The following DACH2 variants were observed in gnomAD, a reference collection of about 807,000 sequenced individuals.
DACH2 encodes dachshund homolog 2.
DACH2 carries 17 observed loss-of-function variants against 35.8 expected under a neutral mutation model. The ratio of observed to expected loss-of-function variants is 0.48; its 90% CI spans 0.33 to 0.71. The LOEUF is 0.71. DACH2 is among the 30% of genes least tolerant of loss of function. The pLI, the probability that DACH2 is intolerant of heterozygous loss-of-function variation, is 0.02. For synonymous variants in DACH2, 195 were observed against 177.3 expected (o/e 1.10, Z -0.79); for missense variants, 469 against 472.7 (o/e 0.99, Z 0.07).
chrX:86,291,480 A>G (rs1480053070), intron 1 of DACH2, among the ~76,000 whole-genome samples: 1 of 104,236 alleles, frequency 9.6e-6, no homozygotes, highest in Non-Finnish European at 1.9e-5. Context: ...GAGTGGTGAG[A>G]GAGGGCATCC....
At chrX:86,492,658 G>A (rs1254332381) in intron 2 of DACH2, among the ~76,000 whole-genome samples, 1 of 111,468 alleles carries the variant, frequency 9.0e-6, no homozygotes, top group Non-Finnish European at 1.9e-5. Flanking sequence ...TCACGTCTGT[G>A]AGTACCTGAT....
intron 1 of DACH2, among the ~76,000 whole-genome samples, chrX:86,359,309 C>A (rs1406566533): frequency 9.0e-6 from 1 of 111,077 alleles, no homozygotes; most frequent in Non-Finnish European, 1.9e-5. Flanking sequence ...TGAAATGTCA[C>A]CTGTGAACTG....
intron 2 of DACH2, among the ~76,000 whole-genome samples, chrX:86,494,074 A>C (rs746919928): frequency 2.8e-4 from 31 of 111,735 alleles, no homozygotes; most frequent in African/African-American, 9.1e-4. Context: ...AAATGGAGAG[A>C]GTACTGGCCC....
intron 1 of DACH2, among the ~76,000 whole-genome samples, chrX:86,277,543 C>A (rs2033941119): frequency 8.9e-6 from 1 of 112,235 alleles, no homozygotes; most frequent in African/African-American, 3.2e-5. Flanking sequence ...AGACAAAAAA[C>A]AAATTCAAGC....
chrX:86,660,412 G>C (rs906112128), intron 4 of DACH2, among the ~76,000 whole-genome samples: 1 of 111,596 alleles, frequency 9.0e-6, no homozygotes, highest in African/African-American at 3.3e-5. Flanking sequence ...CAAGACACAC[G>C]TGTTATCCTT....
chrX:86,509,175 A>T (rs939648141), intron 2 of DACH2, among the ~76,000 whole-genome samples: 21 of 111,145 alleles, frequency 1.9e-4, no homozygotes, highest in African/African-American at 6.9e-4. Flanking sequence ...TAAGTTTGGG[A>T]TATGCGTATA....
Position 86,710,472 on chromosome X carries a change from G to A in DACH2, c.932-4076G>A, listed in dbSNP as rs143616539. On this transcript the variant is annotated intron_variant, in intron 5 of 11. Coordinates refer to ENST00000373125, the MANE Select transcript of DACH2 (RefSeq NM_053281.3). Reference sequence around the variant, plus strand: ...GATTATTACAAGATAGTAATATGAGGGCCAACTGTGTGATGGCAGAGTGGA... The same window carrying A: ...GATTATTACAAGATAGTAATATGAGAGCCAACTGTGTGATGGCAGAGTGGA... Among the ~76,000 whole-genome samples the A allele has an allele frequency of 9.4e-3, 1,049 of 112,048 alleles. 9 individuals carry two copies. The highest frequency in any genetic ancestry group is 0.014 in the Non-Finnish European group (729 of 53,184).
At chrX:86,404,810 G>T (rs894617445) in intron 2 of DACH2, among the ~76,000 whole-genome samples, 4 of 112,312 alleles carry the variant, frequency 3.6e-5, no homozygotes, top group Non-Finnish European at 5.6e-5. Context: ...CTCCATGAGG[G>T]TTCCATCCCT....
chrX:86,676,425 C>T (rs369076356), intron 4 of DACH2, among the ~76,000 whole-genome samples: 1 of 111,024 alleles, frequency 9.0e-6, no homozygotes, highest in Non-Finnish European at 1.9e-5. Context: ...TTCTTACATC[C>T]CTAGTCTGCC....
At chrX:86,818,269 A>C (rs2147357661) in intron 11 of DACH2, among the ~76,000 whole-genome samples, 1 of 111,576 alleles carries the variant, frequency 9.0e-6, no homozygotes, top group Admixed American at 9.6e-5. Flanking sequence ...TGACAGTAGA[A>C]TCACAATTTA....
rs114726847 is a variant in DACH2 at position 86,478,225 on chromosome X, T to C, written c.528-36054T>C. ...TTTTGTACCTTCAGATGGTTTCTTG[T>C]TGCTCATTAATGTGCTTTTCTTTCT... On this transcript the variant is annotated intron_variant, in intron 2 of 11. Coordinates refer to ENST00000373125, the MANE Select transcript of DACH2 (RefSeq NM_053281.3). Among the ~76,000 whole-genome samples, 1,063 of 112,087 alleles carry C rather than the reference T, an allele frequency of 9.5e-3. 13 individuals carry two copies. The highest frequency in any genetic ancestry group is 0.033 in the African/African-American group (1,016 of 30,852).
intron 1 of DACH2, among the ~76,000 whole-genome samples, chrX:86,370,472 C>T (rs900994579): frequency 9.0e-6 from 1 of 111,444 alleles, no homozygotes; most frequent in African/African-American, 3.3e-5. Flanking sequence ...ACATGATCAT[C>T]GACTGGAAGA....
At chrX:86,826,756 A>G (rs1036451877) in intron 11 of DACH2, among the ~76,000 whole-genome samples, 1 of 112,258 alleles carries the variant, frequency 8.9e-6, no homozygotes, top group Non-Finnish European at 1.9e-5. Flanking sequence ...TTAGGATTGA[A>G]TCTAAGACTG....
At chrX:86,341,943 C>T (rs7058801) in intron 1 of DACH2, among the ~76,000 whole-genome samples, 2,193 of 111,553 alleles carry the variant, frequency 0.02, 47 homozygotes, top group African/African-American at 0.068. Context: ...TTGCTTCTTA[C>T]GGATGAGCAA....
intron 3 of DACH2, among the ~76,000 whole-genome samples, chrX:86,617,126 A>AT (rs1469130033): frequency 2.7e-5 from 3 of 110,962 alleles, no homozygotes; most frequent in South Asian, 3.8e-4. Flanking sequence ...TTGTGTGTCT[A>AT]TTTTTTGTAC....
chrX:86,397,064 C>A (rs7877895), intron 2 of DACH2, among the ~76,000 whole-genome samples: 9,307 of 109,249 alleles, frequency 0.085, 1,061 homozygotes, highest in African/African-American at 0.3. Flanking sequence ...CTTTTATTTC[C>A]TTGAGCAGTG....
chrX:86,395,428 G>A (rs1160379497), intron 2 of DACH2, among the ~76,000 whole-genome samples: 1 of 110,196 alleles, frequency 9.1e-6, no homozygotes, highest in African/African-American at 3.3e-5. Flanking sequence ...GGGTACATGT[G>A]CACAACGTGC....
chrX:86,814,694 T>C lies in DACH2; in HGVS notation c.1544T>C (p.Met515Thr), dbSNP rs1343810733. The part of the protein sequence containing the change: ...LAVELQSRTT[M>T]QKRLKKEKKT... ...ACTACCTTTTACATTTCAGCTACTA[T>C]GCAAAAGCGCCTGAAGAAGGAGAAA... Residue 515 changes from methionine to threonine, a missense_variant, in exon 10 of 12, where the codon ATG (methionine) becomes ACG (threonine). Transcript: ENST00000373125. 5 of 1,211,065 alleles carry C rather than the reference T, an allele frequency of 4.1e-6. No homozygotes were observed. The highest frequency in any genetic ancestry group is 3.0e-5 in the East Asian group (1 of 33,818).
intron 3 of DACH2, among the ~76,000 whole-genome samples, chrX:86,630,813 C>A (rs1444461125): frequency 1.8e-5 from 2 of 110,507 alleles, no homozygotes; most frequent in Non-Finnish European, 3.8e-5. Flanking sequence ...GCCTCAGCCT[C>A]CAGAGTAGCT....
Sources: gnomAD v4.1 joint callset for allele counts (sites outside exome capture counted in the v4.1 genomes callset) on GRCh38, gnomAD v4.1.1 for gene constraint, MANE v1.5 for transcripts, NCBI Gene and HGNC (gene_info 2026-07-23, HGNC 2026-07-21) for gene names.